ZNF329: variants seen among roughly 807,000 people sequenced by gnomAD.
ZNF329 encodes the protein zinc finger protein 329.
ZNF329 carries 15 observed loss-of-function variants against 26.6 expected under a neutral mutation model. That is an observed-to-expected ratio of 0.56 (90% CI 0.38 to 0.87). The LOEUF (loss-of-function observed/expected upper bound fraction) is 0.87. Ranked by LOEUF, ZNF329 falls within the 40% of genes least tolerant of loss-of-function variation. The pLI is 0.00. For synonymous variants in ZNF329, 239 were observed against 233.5 expected, an observed-to-expected ratio of 1.02 and a Z score of -0.21; for missense variants, 651 against 651.9, an observed-to-expected ratio of 1.00 and a Z score of 0.02.
Position 58,128,320 on chromosome 19 carries a change from C to T in ZNF329, c.1184G>A (p.Gly395Glu). The change falls in exon 4 of 4, where the codon GGG becomes GAG. Residue 395 changes from glycine (G) to glutamate (E), a missense_variant. Coordinates refer to ENST00000598312, the MANE Select transcript of ZNF329 (RefSeq NM_024620.4). ...HLIVHQKIHS[G>E]EKPYECKECG... ...TTCTTTACATTCATAGGGTTTCTCC[C>T]CAGAATGGATCTTTTGATGCACAAT... The T allele has an allele frequency of 9.3e-6, 15 of 1,614,042 alleles. No individual in the cohort carries two copies. Among genetic ancestry groups the T allele is most frequent in the Non-Finnish European group, 1.3e-5 (15 of 1,179,974 alleles).
rs1344935949 is a variant in ZNF329 at position 58,126,392 on chromosome 19, G to C, written c.*1486C>G. On this transcript the variant is annotated 3_prime_UTR_variant, in exon 4 of 4. Transcript: ENST00000598312. ...ATCCACTTTCAACATACATCCATAT[G>C]TGCACATATTTTTACATGGCTGGAA... The C allele has an allele frequency of 1.3e-5, 2 of 152,130 alleles. No homozygotes were observed. The highest frequency in any genetic ancestry group is 6.5e-5 in the Admixed American group (1 of 15,276). 9.4% of individuals were successfully genotyped at this position (152,130 alleles called of 1,614,324 possible).
upstream of ZNF329, among the ~76,000 whole-genome samples, chr19:58,151,432 C>G (rs2075450435): frequency 6.6e-6 from 1 of 152,016 alleles, no homozygotes; most frequent in African/African-American, 2.4e-5. Context: ...GAAACCCCGT[C>G]TCCACTAAAA....
Position 58,127,808 on chromosome 19 carries a change from T to C in ZNF329, c.*70A>G. The C allele has an allele frequency of 1.5e-6, 2 of 1,378,930 alleles. No homozygotes were observed. The highest frequency in any genetic ancestry group is 2.0e-6 in the Non-Finnish European group (2 of 1,011,278). The allele number at this position is 1,378,930 out of a possible 1,614,324, so 85.4% of individuals were successfully genotyped here. A position where few individuals can be genotyped will look rare whatever the true frequency, so the allele number is the denominator to read the frequency against. On this transcript the variant is annotated 3_prime_UTR_variant, in exon 4 of 4. Transcript: ENST00000598312. The stretch of plus-strand genomic sequence containing the variant: ...TTCTTTTCTACTGACCAGAGAGGAG[T>C]CAGATCTAAGACACGCCTCCTAAAC...
At chr19:58,146,911 C>A (rs565319294) in intron 1 of ZNF329, among the ~76,000 whole-genome samples, 1 of 151,990 alleles carries the variant, frequency 6.6e-6, no homozygotes, top group African/African-American at 2.4e-5. Flanking sequence ...CAACCTCCAC[C>A]TCCCAGCCAC....
Position 58,128,488 on chromosome 19 carries a change from C to T in ZNF329, c.1016G>A (p.Gly339Asp). 1.2e-6 allele frequency: 2 copies of T among 1,613,802 alleles called. No homozygotes were observed. The highest frequency in any genetic ancestry group is 1.7e-6 in the Non-Finnish European group (2 of 1,179,796). The change falls in exon 4 of 4, where the codon GGT (glycine) becomes GAT (aspartate). Residue 339 changes from glycine to aspartate, a missense_variant. Physicochemically the swap from Gly to Asp is moderately conservative, Grantham distance 94. Transcript: ENST00000598312. ...TTTGCTACACTCATAGGGCTTCTCA[C>T]CGGTGTGGATTCTGAGATGCACTGT... Reference protein sequence around the residue: ...HLTVHLRIHTGEKPYECSKCG... With the variant: ...HLTVHLRIHTDEKPYECSKCG...
At chr19:58,137,700 A>G (rs903851174) in intron 3 of ZNF329, among the ~76,000 whole-genome samples, 7 of 151,764 alleles carry the variant, frequency 4.6e-5, no homozygotes, top group African/African-American at 1.7e-4. Flanking sequence ...ATGGTGGCTC[A>G]TACCTGTAAT....
chr19:58,144,836 G>A (rs1318479581), intron 1 of ZNF329, among the ~76,000 whole-genome samples: 1 of 141,358 alleles, frequency 7.1e-6, no homozygotes, highest in Non-Finnish European at 1.5e-5. Flanking sequence ...CATCACACCT[G>A]GATAATTTTT....
rs1397499359 is a variant in ZNF329, at chr19:58,128,707, T to C, written c.797A>G (p.Lys266Arg). The change falls in exon 4 of 4, where the codon AAA becomes AGA. Residue 266 changes from lysine to arginine, a missense_variant. Coordinates refer to ENST00000598312, the MANE Select transcript of ZNF329 (RefSeq NM_024620.4). ...CAGAGCTGAGCCATCACTGAAAGCT[T>C]TCCCACATTTACTGCATTCATAGGG... is the stretch of plus-strand genomic sequence containing the variant. ...EKPYECSKCG[K>R]AFSDGSALTQ... 3.7e-6 allele frequency: 6 copies of C among 1,607,218 alleles called. No individual in the cohort carries two copies. Among genetic ancestry groups the C allele is most frequent in the Non-Finnish European group, 5.1e-6 (6 of 1,176,764 alleles).
At chr19:58,144,855 T>C (rs1344104016) in intron 1 of ZNF329, among the ~76,000 whole-genome samples, 2 of 141,706 alleles carry the variant, frequency 1.4e-5, no homozygotes, top group Non-Finnish European at 3.0e-5. Flanking sequence ...TTTTTCTTTT[T>C]TTTTTTTTTT....
At chr19:58,148,665 C>T (rs1212081824) in intron 1 of ZNF329, among the ~76,000 whole-genome samples, 1 of 151,934 alleles carries the variant, frequency 6.6e-6, no homozygotes, top group African/African-American at 2.4e-5. Context: ...ACAGTCTGGG[C>T]AACATAGTGA....
chr19:58,140,349 A>G (rs748746796), intron 3 of ZNF329, among the ~76,000 whole-genome samples: 2 of 152,100 alleles, frequency 1.3e-5, no homozygotes, highest in African/African-American at 4.8e-5. Flanking sequence ...AACCGTGCAC[A>G]TTACATAAAA....
At chr19:58,147,525 C>A (rs1162610533) in intron 1 of ZNF329, among the ~76,000 whole-genome samples, 2 of 139,328 alleles carry the variant, frequency 1.4e-5, no homozygotes, top group East Asian at 4.4e-4. Context: ...CCCGGCCAGC[C>A]GCCCCGCCCG....
rs2074832661 is a variant in ZNF329 at position 58,127,830 on chromosome 19, A to G, written c.*48T>C. ...GAGTCAGATCTAAGACACGCCTCCT[A>G]AACACAGGAGTGAGAGTGAACTGGA... On this transcript the variant is annotated 3_prime_UTR_variant, in exon 4 of 4. Transcript: ENST00000598312. 6.6e-7 allele frequency: 1 copy of G among 1,514,092 alleles called. No homozygotes were observed. Among genetic ancestry groups the G allele is most frequent in the Admixed American group, 2.1e-5 (1 of 47,452 alleles). The allele number at this position is 1,514,092 out of a possible 1,614,324, so 93.8% of individuals were successfully genotyped here. A position where few individuals can be genotyped will look rare whatever the true frequency, so the allele number is the denominator to read the frequency against.
intron 1 of ZNF329, among the ~76,000 whole-genome samples, chr19:58,146,565 T>C (rs1446774912): frequency 7.3e-6 from 1 of 137,150 alleles, no homozygotes; most frequent in East Asian, 2.1e-4. Flanking sequence ...ACGGTCTCCC[T>C]CTCCCTCTCT....
At chr19:58,137,060 A>G in intron 3 of ZNF329, 1 of 106,484 alleles carries the variant, frequency 9.4e-6, no homozygotes, top group Admixed American at 9.7e-5. Flanking sequence ...AGTACAGATA[A>G]AAAAAAAAAA....
intron 1 of ZNF329, among the ~76,000 whole-genome samples, chr19:58,147,882 G>C (rs1402829483): frequency 6.6e-6 from 1 of 151,688 alleles, no homozygotes; most frequent in Admixed American, 6.5e-5. Context: ...CCACCACCCC[G>C]TCTGGGAGGT....
At chr19:58,144,847 TTTC>T (rs1486041486) in intron 1 of ZNF329, among the ~76,000 whole-genome samples, 9 of 122,744 alleles carry the variant, frequency 7.3e-5, no homozygotes, top group African/African-American at 2.8e-4. Context: ...GATAATTTTT[TTTC>T]TTTTTTTTTT....
rs527260283 is a variant in ZNF329 at position 58,128,655 on chromosome 19, G to A, written c.849C>T (p.Gly283=). The A allele has an allele frequency of 3.4e-5, 55 of 1,602,154 alleles. 1 individual carries two copies. Among genetic ancestry groups the A allele is most frequent in the Middle Eastern group, 1.7e-4 (1 of 5,978 alleles). ...ACTCTAGGCATTCATAAGGTTTCTCGCCTGTGTGAATTCTCTGGTGCTGTG... is the reference window on the plus strand; with the variant it reads ...ACTCTAGGCATTCATAAGGTTTCTCACCTGTGTGAATTCTCTGGTGCTGTG... ...ALTQHQRIHT[G]EKPYECLECG... The change falls in exon 4 of 4, where the codon GGC becomes GGT. Residue 283 remains glycine (G), a synonymous_variant. Transcript: ENST00000598312.
chr19:58,141,511 T>C (rs918559022), intron 3 of ZNF329, among the ~76,000 whole-genome samples: 1 of 152,058 alleles, frequency 6.6e-6, no homozygotes, highest in Non-Finnish European at 1.5e-5. Flanking sequence ...GTGAGGCTAG[T>C]CTTGAACTCC....
Sources: gnomAD v4.1 joint callset for allele counts (sites outside exome capture counted in the v4.1 genomes callset) on GRCh38, gnomAD v4.1.1 for gene constraint, MANE v1.5 for transcripts, NCBI Gene and HGNC (gene_info 2026-07-23, HGNC 2026-07-21) for gene names.